MDFIC2: variants seen among roughly 807,000 people sequenced by gnomAD.
MDFIC2 encodes myoD family inhibitor domain-containing protein 2.
chr3:70,239,906 C>A (rs1267329203), intron 2 of MDFIC2, among the ~76,000 whole-genome samples: 1 of 152,006 alleles, frequency 6.6e-6, no homozygotes, highest in Non-Finnish European at 1.5e-5. Flanking sequence ...TTTACTCTTG[C>A]GGACAAAATA....
rs1417783464 is a variant in MDFIC2, at chr3:70,283,299, T to C, written c.88+28587A>G. Reference sequence around the variant, plus strand: ...ATTGCTTTTTGGTTGGTCTGTGTTTTCAATGCACTGTGCCTGGCAGATAGT... The same window carrying C: ...ATTGCTTTTTGGTTGGTCTGTGTTTCCAATGCACTGTGCCTGGCAGATAGT... On this transcript the variant is annotated intron_variant, in intron 2 of 3. Transcript: ENST00000567252. Among the ~76,000 whole-genome samples the C allele has an allele frequency of 2.0e-5, 3 of 152,028 alleles. No individual in the cohort carries two copies. In the East Asian group the frequency reaches 5.8e-4, roughly 29 times the overall value.
intron 2 of MDFIC2, among the ~76,000 whole-genome samples, chr3:70,261,249 A>C (rs1701863637): frequency 6.6e-6 from 1 of 152,196 alleles, no homozygotes; most frequent in African/African-American, 2.4e-5. Flanking sequence ...GGATTCTTAA[A>C]ATCAAAGCCA....
chr3:70,279,467 A>G (rs1702059705), intron 2 of MDFIC2, among the ~76,000 whole-genome samples: 1 of 152,004 alleles, frequency 6.6e-6, no homozygotes, highest in Non-Finnish European at 1.5e-5. Flanking sequence ...TTTTCTCTTC[A>G]TCCCCTGTAC....
chr3:70,256,296 G>A (rs745942928), intron 2 of MDFIC2, among the ~76,000 whole-genome samples: 1 of 152,188 alleles, frequency 6.6e-6, no homozygotes, highest in Non-Finnish European at 1.5e-5. Flanking sequence ...GTCAGACAGA[G>A]AGAAATGTAC....
chr3:70,257,342 G>T (rs758597159), intron 2 of MDFIC2, among the ~76,000 whole-genome samples: 27 of 152,112 alleles, frequency 1.8e-4, no homozygotes, highest in Non-Finnish European at 3.7e-4. Context: ...TTTGGATCAT[G>T]GGTTTTAAGG....
intron 2 of MDFIC2, among the ~76,000 whole-genome samples, chr3:70,304,100 T>A (rs1437423685): frequency 6.6e-6 from 1 of 152,074 alleles, no homozygotes; most frequent in Non-Finnish European, 1.5e-5. Context: ...TCAACCAGGG[T>A]CTATGAAAGG....
intron 2 of MDFIC2, among the ~76,000 whole-genome samples, chr3:70,290,796 G>C (rs556307339): frequency 6.6e-6 from 1 of 152,184 alleles, no homozygotes; most frequent in Non-Finnish European, 1.5e-5. Flanking sequence ...GAAAAGCGCA[G>C]TATTCGGGTG....
At chr3:70,237,623 A>G (rs1358969414) in intron 2 of MDFIC2, among the ~76,000 whole-genome samples, 2 of 152,224 alleles carry the variant, frequency 1.3e-5, no homozygotes, top group Admixed American at 6.5e-5. Flanking sequence ...AGTGTCCTAC[A>G]TATAGTAAAC....
At chr3:70,220,110 A>AT (rs1190730157) in intron 2 of MDFIC2, among the ~76,000 whole-genome samples, 1 of 151,978 alleles carries the variant, frequency 6.6e-6, no homozygotes, top group African/African-American at 2.4e-5. Context: ...CTGGCCTCAA[A>AT]TTTTTTTTGT....
intron 2 of MDFIC2, among the ~76,000 whole-genome samples, chr3:70,285,928 G>T (rs1032086726): frequency 6.6e-6 from 1 of 150,916 alleles, no homozygotes; most frequent in Non-Finnish European, 1.5e-5. Context: ...TTGTAAATTT[G>T]TTTGAGTTCA....
intron 2 of MDFIC2, among the ~76,000 whole-genome samples, chr3:70,266,056 A>G (rs1559548849): frequency 1.3e-5 from 2 of 152,170 alleles, no homozygotes; most frequent in Non-Finnish European, 2.9e-5. Context: ...CAGAAAAGAG[A>G]ATGAGAAATC....
intron 2 of MDFIC2, among the ~76,000 whole-genome samples, chr3:70,252,799 G>T (rs1369188741): frequency 2.6e-5 from 4 of 152,064 alleles, no homozygotes; most frequent in African/African-American, 7.2e-5. Flanking sequence ...CAAAAAGAAG[G>T]CCAGGCGCGG....
chr3:70,256,518 C>A (rs145342263), intron 2 of MDFIC2, among the ~76,000 whole-genome samples: 1 of 152,240 alleles, frequency 6.6e-6, no homozygotes, highest in East Asian at 1.9e-4. Context: ...TTCTTAAGTG[C>A]CATGTATTGA....
At chr3:70,270,917 G>A (rs1430241758) in intron 2 of MDFIC2, among the ~76,000 whole-genome samples, 4 of 152,070 alleles carry the variant, frequency 2.6e-5, no homozygotes, top group African/African-American at 9.7e-5. Context: ...ATAGCATGTG[G>A]AGAAATACCT....
At chr3:70,267,749 A>T (rs527405505) in intron 2 of MDFIC2, among the ~76,000 whole-genome samples, 29 of 152,068 alleles carry the variant, frequency 1.9e-4, no homozygotes, top group African/African-American at 6.5e-4. Flanking sequence ...GCTTCACAGT[A>T]AAAGATTTCA....
At position 70,295,573 on chromosome 3, in the gene MDFIC2, C is replaced by T. The variant is rs146659517; in HGVS notation, c.88+16313G>A. On this transcript the variant is annotated intron_variant, in intron 2 of 3. Transcript: ENST00000567252. ...TAAAAATGAGCCAGGCTTGGTGGTG[C>T]GCACCTGTAGTCCTATTCCTAAGTA... Among the ~76,000 whole-genome samples, 450 of 152,084 alleles carry T rather than the reference C, an allele frequency of 3.0e-3. 3 individuals are homozygous for T. Among genetic ancestry groups the T allele is most frequent in the African/African-American group, 9.7e-3 (402 of 41,490 alleles).
intron 2 of MDFIC2, among the ~76,000 whole-genome samples, chr3:70,241,286 C>A (rs1255592677): frequency 6.6e-6 from 1 of 152,064 alleles, no homozygotes; most frequent in Non-Finnish European, 1.5e-5. Context: ...AATCAAAAGG[C>A]AAATTATTGC....
chr3:70,225,240 A>G (rs976213616), intron 2 of MDFIC2, among the ~76,000 whole-genome samples: 3 of 152,136 alleles, frequency 2.0e-5, no homozygotes, highest in African/African-American at 7.2e-5. Flanking sequence ...TGATATGTCA[A>G]TATGTTTTTC....
intron 2 of MDFIC2, among the ~76,000 whole-genome samples, chr3:70,246,928 A>G (rs1701712604): frequency 6.6e-6 from 1 of 152,030 alleles, no homozygotes; most frequent in Admixed American, 6.6e-5. Context: ...TCTTTTTTCA[A>G]TAATTCGTAA....
Sources: allele counts gnomAD v4.1 joint callset (sites outside exome capture counted in the v4.1 genomes callset), GRCh38; gene constraint gnomAD v4.1.1; transcripts MANE v1.5; gene names NCBI Gene and HGNC (gene_info 2026-07-23, HGNC 2026-07-21).